Variants in B3GLCT observed in about 807,000 individuals in gnomAD.
B3GLCT encodes beta-1,3-glucosyltransferase.
Under a neutral mutation model 63.4 loss-of-function variants are expected in B3GLCT, and 65 were observed. The ratio of observed to expected loss-of-function variants is 1.03; its 90% confidence interval spans 0.84 to 1.26. The LOEUF (loss-of-function observed/expected upper bound fraction) is 1.26, where lower values mean the gene tolerates loss of function less well. B3GLCT is among the 50% of genes most tolerant of loss of function. The pLI is 0.00. For synonymous variants in B3GLCT, 233 were observed against 219.2 expected, an observed-to-expected ratio of 1.06 and a Z score of -0.55; for missense variants, 577 against 604.8, an observed-to-expected ratio of 0.95 and a Z score of 0.48.
At position 31,279,244 on chromosome 13, in the gene B3GLCT, A is replaced by G. The variant is rs188815438; in HGVS notation, c.850+2473A>G. ...TTTAGACTGCCACTCCTATCTAAGCATATCACTGCTATAGTCAAGCAGAAT... is the reference window on the plus strand; with the variant it reads ...TTTAGACTGCCACTCCTATCTAAGCGTATCACTGCTATAGTCAAGCAGAAT... On this transcript the variant is annotated intron_variant, in intron 10 of 14. Transcript: ENST00000343307. Among the ~76,000 whole-genome samples the G allele has an allele frequency of 2.2e-3, 331 of 152,222 alleles. 5 individuals carry two copies. Among genetic ancestry groups the G allele is most frequent in the African/African-American group, 7.4e-3 (309 of 41,530 alleles).
At chr13:31,311,689 G>A (rs1266602545) in intron 12 of B3GLCT, 1 of 152,192 alleles carries the variant, frequency 6.6e-6, no homozygotes, top group Non-Finnish European at 1.5e-5. Flanking sequence ...CACCAGGTCG[G>A]GGATAACCAG....
intron 1 of B3GLCT, among the ~76,000 whole-genome samples, chr13:31,207,287 A>AT (rs71192685): frequency 0.38 from 56,540 of 148,748 alleles, 11,152 homozygotes; most frequent in East Asian, 0.48. Context: ...TAAACTGCTA[A>AT]TTTTTTTTTT....
intron 12 of B3GLCT, among the ~76,000 whole-genome samples, chr13:31,316,405 TTTTATATATATA>T (rs1875013669): frequency 1.1e-4 from 1 of 9,068 alleles, no homozygotes; most frequent in Non-Finnish European, 6.0e-4. Context: ...ATTTTGGAGG[TTTTATATATATA>T]TATATATATA....
chr13:31,221,310 A>G (rs1302494522), intron 2 of B3GLCT, among the ~76,000 whole-genome samples: 1 of 152,198 alleles, frequency 6.6e-6, no homozygotes, highest in Non-Finnish European at 1.5e-5. Flanking sequence ...AGTGGAGCCA[A>G]ATGGCTCCTC....
chr13:31,325,743 C>T (rs1490507269), intron 14 of B3GLCT, among the ~76,000 whole-genome samples: 1 of 152,154 alleles, frequency 6.6e-6, no homozygotes, highest in Non-Finnish European at 1.5e-5. Flanking sequence ...TAGTGCTTTC[C>T]ATTTATAGTG....
At chr13:31,201,008 G>GT (rs943851119) in intron 1 of B3GLCT, among the ~76,000 whole-genome samples, 4 of 87,180 alleles carry the variant, frequency 4.6e-5, no homozygotes, top group East Asian at 6.2e-4. Flanking sequence ...TGTGATAAAA[G>GT]TTAAAAAAAA....
chr13:31,280,262 C>T (rs1873003175), intron 10 of B3GLCT, among the ~76,000 whole-genome samples: 1 of 152,148 alleles, frequency 6.6e-6, no homozygotes, highest in Non-Finnish European at 1.5e-5. Flanking sequence ...TAAAGACAGG[C>T]ATAAGAAATT....
chr13:31,285,300 C>CTCCAAAAGGTGGGAGAGTAGAAGAGG (rs1450030171), intron 11 of B3GLCT, among the ~76,000 whole-genome samples: 157 of 152,136 alleles, frequency 1.0e-3, no homozygotes, highest in Non-Finnish European at 2.1e-3. Context: ...ACATTGGAGA[C>CTCCAAAAGGTGGGAGAGTAGAAGAGG]TCCAAAAGGT....
intron 7 of B3GLCT, among the ~76,000 whole-genome samples, chr13:31,262,033 T>C (rs1428993544): frequency 6.6e-6 from 1 of 152,170 alleles, no homozygotes; most frequent in African/African-American, 2.4e-5. Context: ...TGTACAATTA[T>C]TTTTGGGAAC....
chr13:31,235,782 C>T (rs1870619343), intron 4 of B3GLCT, among the ~76,000 whole-genome samples: 1 of 152,156 alleles, frequency 6.6e-6, no homozygotes, highest in South Asian at 2.1e-4. Context: ...GCTTTTTTAT[C>T]TTGTGAAACT....
At chr13:31,308,358 A>AC (rs1566091479) in intron 12 of B3GLCT, among the ~76,000 whole-genome samples, 3 of 35,110 alleles carry the variant, frequency 8.5e-5, no homozygotes, top group African/African-American at 1.3e-4. Flanking sequence ...AAAAAAAAAA[A>AC]AACAAAAAAA....
intron 12 of B3GLCT, among the ~76,000 whole-genome samples, chr13:31,298,161 G>A (rs895551472): frequency 5.3e-5 from 8 of 152,058 alleles, no homozygotes; most frequent in African/African-American, 1.4e-4. Flanking sequence ...TGAAGCTGTC[G>A]GTATACGTTA....
intron 1 of B3GLCT, among the ~76,000 whole-genome samples, chr13:31,205,956 T>C (rs1417736109): frequency 6.6e-6 from 1 of 152,248 alleles, no homozygotes; most frequent in Non-Finnish European, 1.5e-5. Flanking sequence ...TGACTTATTT[T>C]CACTCCTAAA....
intron 7 of B3GLCT, among the ~76,000 whole-genome samples, chr13:31,266,453 G>T (rs1046302789): frequency 6.6e-6 from 1 of 152,182 alleles, no homozygotes; most frequent in African/African-American, 2.4e-5. Flanking sequence ...TTTTGGTATT[G>T]TTGGTTACTG....
At chr13:31,217,268 G>A (rs185426627) in intron 2 of B3GLCT, among the ~76,000 whole-genome samples, 13 of 152,192 alleles carry the variant, frequency 8.5e-5, no homozygotes, top group Middle Eastern at 3.4e-3. Flanking sequence ...GTCTGTTCAC[G>A]TCCTTTACCC....
At chr13:31,225,918 T>A (rs1347421344) in intron 3 of B3GLCT, among the ~76,000 whole-genome samples, 1 of 152,184 alleles carries the variant, frequency 6.6e-6, no homozygotes, top group African/African-American at 2.4e-5. Flanking sequence ...ATGATTTGTC[T>A]TAACGGATCT....
chr13:31,218,380 T>C (rs1474584143), intron 2 of B3GLCT, among the ~76,000 whole-genome samples: 4 of 151,926 alleles, frequency 2.6e-5, no homozygotes, highest in African/African-American at 9.7e-5. Flanking sequence ...AGTAGAGAAT[T>C]TCACTATGTT....
intron 1 of B3GLCT, among the ~76,000 whole-genome samples, chr13:31,212,899 A>G (rs1014778618): frequency 3.9e-5 from 6 of 152,246 alleles, no homozygotes; most frequent in Non-Finnish European, 5.9e-5. Context: ...TTAAATGTGC[A>G]TATTAGCTTA....
chr13:31,254,595 C>T (rs1871625819), intron 6 of B3GLCT, among the ~76,000 whole-genome samples: 1 of 152,160 alleles, frequency 6.6e-6, no homozygotes, highest in South Asian at 2.1e-4. Flanking sequence ...CCTTTGAAAA[C>T]TGGCACAAGA....
Sources: allele counts gnomAD v4.1 joint callset (sites outside exome capture counted in the v4.1 genomes callset), GRCh38; gene constraint gnomAD v4.1.1; transcripts MANE v1.5; gene names NCBI Gene and HGNC (gene_info 2026-07-23, HGNC 2026-07-21).